Variants in CCR5AS observed in about 807,000 individuals in gnomAD.
CCR5AS encodes the protein CCR5 antisense RNA.
chr3:46,394,438 C>T (rs1701942221), intron 1 of CCR5AS, among the ~76,000 whole-genome samples: 1 of 152,148 alleles, frequency 6.6e-6, no homozygotes, highest in Non-Finnish European at 1.5e-5. Context: ...TCAGGCTGTC[C>T]ACAAGCACTC....
In CCR5AS at chr3:46,380,753, G is replaced by A. The variant is rs190896775; in HGVS notation, n.392-9336C>T. Among the ~76,000 whole-genome samples the A allele has an allele frequency of 1.8e-4, 28 of 152,358 alleles. 1 individual carries two copies. In the East Asian group the frequency reaches 5.4e-3, roughly 29 times the overall value. On this transcript the variant is annotated intron_variant and non_coding_transcript_variant, in intron 2 of 3. Coordinates refer to ENST00000451485, the Ensembl canonical transcript of CCR5AS. The stretch of plus-strand genomic sequence containing the variant: ...AGCCAACATATTGGAGTCACTCAGG[G>A]AGTTTTACAAATAGTGAGGTTAAAT...
At chr3:46,387,261 C>T (rs145279753) in intron 2 of CCR5AS, among the ~76,000 whole-genome samples, 1 of 152,264 alleles carries the variant, frequency 6.6e-6, no homozygotes, top group African/African-American at 2.4e-5. Flanking sequence ...GGAAAGGAGA[C>T]CCATGACCAT....
In CCR5AS at chr3:46,392,919, C is replaced by A. The variant is rs150308700; in HGVS notation, n.297G>T. Reference sequence around the variant, plus strand: ...TGGAGTGAGGGTGAGGAGAGGGGACCAATCTCCCGAAGGAGTCACCCTGTC... The same window carrying A: ...TGGAGTGAGGGTGAGGAGAGGGGACAAATCTCCCGAAGGAGTCACCCTGTC... On this transcript the variant is annotated non_coding_transcript_exon_variant, in exon 2 of 4. Transcript: ENST00000451485. The A allele has an allele frequency of 2.3e-3, 418 of 181,208 alleles. 15 individuals carry two copies. In the East Asian group the frequency reaches 0.065, roughly 28 times the overall value. 11.2% of individuals were successfully genotyped at this position (181,208 alleles called of 1,614,324 possible). A position where few individuals can be genotyped will look rare whatever the true frequency, so the allele number is the denominator to read the frequency against.
At chr3:46,398,698 T>C (rs1226545371) in intron 1 of CCR5AS, among the ~76,000 whole-genome samples, 2 of 152,146 alleles carry the variant, frequency 1.3e-5, no homozygotes, top group African/African-American at 4.8e-5. Context: ...TTTAAATTCT[T>C]TTTTCTTGTC....
At chr3:46,369,617 G>C (rs979051198) in intron 3 of CCR5AS, among the ~76,000 whole-genome samples, 1 of 152,146 alleles carries the variant, frequency 6.6e-6, no homozygotes, top group Non-Finnish European at 1.5e-5. Flanking sequence ...ATTAGGATTT[G>C]ATCAAATAAA....
At chr3:46,388,913 G>A (rs1701884506) in intron 2 of CCR5AS, among the ~76,000 whole-genome samples, 1 of 152,176 alleles carries the variant, frequency 6.6e-6, no homozygotes, top group Non-Finnish European at 1.5e-5. Flanking sequence ...ACTCCAAGAG[G>A]GAGTCAAGAG....
chr3:46,406,397 G>T (rs151064806), intron 1 of CCR5AS, among the ~76,000 whole-genome samples: 3 of 151,546 alleles, frequency 2.0e-5, no homozygotes, highest in African/African-American at 7.3e-5. Context: ...TTCTCGGTTC[G>T]TCCTTCTTCC....
intron 3 of CCR5AS, among the ~76,000 whole-genome samples, chr3:46,366,996 G>A (rs1019762737): frequency 2.0e-5 from 3 of 152,032 alleles, no homozygotes; most frequent in South Asian, 2.1e-4. Context: ...ACTGAACAAC[G>A]GGAAGAGCCC....
chr3:46,383,000 T>C (rs544583589), intron 2 of CCR5AS, among the ~76,000 whole-genome samples: 3 of 152,322 alleles, frequency 2.0e-5, no homozygotes, highest in Admixed American at 6.5e-5. Context: ...AAAGCTCTGG[T>C]AACAGTTAGC....
chr3:46,384,026 A>G (rs1218791686), intron 2 of CCR5AS, among the ~76,000 whole-genome samples: 1 of 152,266 alleles, frequency 6.6e-6, no homozygotes, highest in Non-Finnish European at 1.5e-5. Context: ...TCAAGGACTC[A>G]GGCACACAAG....
intron 3 of CCR5AS, among the ~76,000 whole-genome samples, chr3:46,367,408 A>G (rs992916913): frequency 3.3e-5 from 5 of 151,558 alleles, no homozygotes; most frequent in East Asian, 1.9e-4. Context: ...TGGTATATGC[A>G]TGAGAACAAT....
At chr3:46,396,724 A>G (rs1701964786) in intron 1 of CCR5AS, among the ~76,000 whole-genome samples, 1 of 152,156 alleles carries the variant, frequency 6.6e-6, no homozygotes. Context: ...CCTTGTAGGA[A>G]TAACTGAGGC....
At chr3:46,392,590 G>T (rs1701922677) in intron 2 of CCR5AS, among the ~76,000 whole-genome samples, 1 of 152,186 alleles carries the variant, frequency 6.6e-6, no homozygotes, top group East Asian at 1.9e-4. Flanking sequence ...TCCCCCCGGT[G>T]ATCAGACACC....
intron 2 of CCR5AS, among the ~76,000 whole-genome samples, chr3:46,378,323 T>G (rs1701782425): frequency 6.6e-6 from 1 of 152,186 alleles, no homozygotes; most frequent in Admixed American, 6.5e-5. Flanking sequence ...AATATATATT[T>G]CCTTCCTAAT....
At chr3:46,364,140 A>C (rs1559564654), downstream of CCR5AS, among the ~76,000 whole-genome samples, 1 of 152,282 alleles carries the variant, frequency 6.6e-6, no homozygotes, top group Non-Finnish European at 1.5e-5. Flanking sequence ...TTTTCAGTGT[A>C]GACAAAACAG....
chr3:46,367,387 C>T (rs952938801), intron 3 of CCR5AS, among the ~76,000 whole-genome samples: 17 of 150,472 alleles, frequency 1.1e-4, no homozygotes, highest in Non-Finnish European at 2.4e-4. Context: ...AAAAAGAAGC[C>T]GCCTACAGAA....
intron 2 of CCR5AS, among the ~76,000 whole-genome samples, chr3:46,377,681 A>G (rs1279781425): frequency 6.6e-6 from 1 of 152,152 alleles, no homozygotes; most frequent in Non-Finnish European, 1.5e-5. Context: ...AGAAGCAGAA[A>G]TGTGAACCAG....
chr3:46,382,955 G>T (rs1318818944), intron 2 of CCR5AS, among the ~76,000 whole-genome samples: 2 of 152,184 alleles, frequency 1.3e-5, no homozygotes, highest in Non-Finnish European at 2.9e-5. Flanking sequence ...ATGAGAAATT[G>T]CATGTTGAGG....
At chr3:46,364,519 G>A (rs1026442762) in exon 4 of CCR5AS, among the ~76,000 whole-genome samples, 11 of 152,112 alleles carry the variant, frequency 7.2e-5, no homozygotes, top group African/African-American at 1.9e-4. Flanking sequence ...GGAGATGTAC[G>A]AGAATATTCA....
Sources: gnomAD v4.1 joint callset for allele counts (sites outside exome capture counted in the v4.1 genomes callset) on GRCh38, gnomAD v4.1.1 for gene constraint, MANE v1.5 for transcripts, NCBI Gene and HGNC (gene_info 2026-07-23, HGNC 2026-07-21) for gene names.